The following TCERG1 variants were observed in gnomAD, a reference collection of about 807,000 sequenced individuals.
The protein encoded by TCERG1 is TATA box binding protein (TBP)-associated factor, RNA polymerase II, S, 150kD.
In TCERG1, 37 loss-of-function variants were observed where a neutral mutation model predicts 144.7. The observed-to-expected ratio is 0.26, with a 90% CI of 0.20 to 0.34. The LOEUF is 0.34. Among genes scored for constraint, TCERG1 ranks in the 10% least tolerant of loss-of-function variants. TCERG1 has a pLI of 1.00. For missense variants in TCERG1, 1,027 were observed against 1,380.7 expected (o/e 0.74, Z 4.06); for synonymous variants, 492 against 458.2 (o/e 1.07, Z -0.94).
intron 1 of TCERG1, among the ~76,000 whole-genome samples, chr5:146,454,569 GTTTT>G (rs55714513): frequency 1.4e-5 from 2 of 146,962 alleles, no homozygotes; most frequent in Non-Finnish European, 3.0e-5. Context: ...ATTGATGTAA[GTTTT>G]TTTTTTTGTT....
At chr5:146,479,810 T>C (rs894955103) in intron 10 of TCERG1, 45 bp from the exon 11 acceptor site, 2 of 1,602,856 alleles carry the variant, frequency 1.2e-6, no homozygotes, top group Non-Finnish European at 1.7e-6. Flanking sequence ...GTTTGTGAAA[T>C]ATATGCAAAT....
chr5:146,465,460 C>T (rs1035595100), intron 5 of TCERG1, among the ~76,000 whole-genome samples: 20 of 152,116 alleles, frequency 1.3e-4, no homozygotes, highest in Admixed American at 1.1e-3. Context: ...ACAATAAAAT[C>T]CCTCTGGCTC....
Position 146,507,165 on chromosome 5 carries a change from A to G in TCERG1, c.2919A>G (p.Lys973=). The part of the protein sequence containing the change: ...FNEHIEALTK[K]KREHFRQLLD... The stretch of plus-strand genomic sequence containing the variant: ...AACACATTGAAGCACTTACCAAAAA[A>G]AAGAGAGAGCACTTTAGGCAACTTC... The change falls in exon 20 of 23, where the codon AAA becomes AAG. Residue 973 remains lysine, a synonymous_variant. Transcript: ENST00000679501. This position sits in a 1 kb window ranked among gnomAD's most constrained non-coding sequence, Gnocchi z 4.6. 1 of 1,608,364 alleles carries G rather than the reference A, an allele frequency of 6.2e-7. No individual in the cohort carries two copies. The highest frequency in any genetic ancestry group is 8.5e-7 in the Non-Finnish European group (1 of 1,178,562).
At chr5:146,469,458 A>G (rs905654554) in intron 6 of TCERG1, 86 bp from the exon 7 acceptor site, 3 of 1,108,154 alleles carry the variant, frequency 2.7e-6, no homozygotes, top group Non-Finnish European at 3.8e-6. Flanking sequence ...TTAATATTTA[A>G]TAGAAAGATT....
chr5:146,478,108 TAG>T (rs936447872), intron 9 of TCERG1, among the ~76,000 whole-genome samples: 3 of 152,238 alleles, frequency 2.0e-5, no homozygotes, highest in Admixed American at 1.3e-4. Context: ...AGAACTATAG[TAG>T]CTAGGATGCT....
In TCERG1 at chr5:146,459,228, T is replaced by A; in HGVS notation, c.783T>A (p.Pro261=). 1 of 1,614,256 alleles carries A rather than the reference T, an allele frequency of 6.2e-7. No individual in the cohort carries two copies. Among genetic ancestry groups the A allele is most frequent in the Non-Finnish European group, 8.5e-7 (1 of 1,180,036 alleles). ...VQAQAVGAST[P]TTSSPAPAVS... The stretch of plus-strand genomic sequence containing the variant: ...CACAAGCAGTTGGAGCTTCCACCCC[T>A]ACGACCAGTAGCCCAGCACCTGCAG... Residue 261 remains proline (P), a synonymous_variant, in exon 4 of 23, where the codon CCT becomes CCA. Transcript: ENST00000679501.
chr5:146,476,214 A>G (rs1764826305), intron 9 of TCERG1, among the ~76,000 whole-genome samples: 2 of 152,204 alleles, frequency 1.3e-5, no homozygotes, highest in Non-Finnish European at 1.5e-5. Flanking sequence ...GCTGGAAGAT[A>G]TACACATTCA....
chr5:146,498,118 A>G (rs971861286), intron 16 of TCERG1, among the ~76,000 whole-genome samples: 2 of 152,104 alleles, frequency 1.3e-5, no homozygotes, highest in African/African-American at 4.8e-5. Context: ...CTACTCCTTG[A>G]AATCGGTTGC....
At chr5:146,482,496 T>TA in intron 13 of TCERG1, 96 bp from the exon 14 acceptor site, 1 of 1,269,008 alleles carries the variant, frequency 7.9e-7, no homozygotes, top group Non-Finnish European at 1.1e-6. Context: ...TGCTGCTCAG[T>TA]AGTGAGTCTT....
intron 17 of TCERG1, 65 bp downstream of exon 17, chr5:146,498,751 T>A: frequency 6.6e-7 from 1 of 1,514,904 alleles, no homozygotes; most frequent in Non-Finnish European, 8.8e-7. Flanking sequence ...TCTATGCTGG[T>A]GTTATGTTTC....
chr5:146,494,279 A>G (rs1322554482), intron 16 of TCERG1, among the ~76,000 whole-genome samples: 1 of 152,138 alleles, frequency 6.6e-6, no homozygotes, highest in African/African-American at 2.4e-5. Flanking sequence ...TGGAGGAAAA[A>G]GGCTTTACTC....
chr5:146,464,453 T>G (rs1168284657), intron 5 of TCERG1, among the ~76,000 whole-genome samples: 1 of 152,252 alleles, frequency 6.6e-6, no homozygotes, highest in Non-Finnish European at 1.5e-5. Context: ...ATGTGCATCA[T>G]TTAAAAGTTT....
At chr5:146,502,228 G>A (rs10079337) in intron 17 of TCERG1, among the ~76,000 whole-genome samples, 21,390 of 152,048 alleles carry the variant, frequency 0.14, 2,495 homozygotes, top group East Asian at 0.71. Flanking sequence ...AAGTTGTAAG[G>A]GGAAATGATA....
At chr5:146,496,666 A>T (rs1000079418) in intron 16 of TCERG1, among the ~76,000 whole-genome samples, 9 of 151,984 alleles carry the variant, frequency 5.9e-5, no homozygotes, top group Admixed American at 5.9e-4. Flanking sequence ...TCAGTGTAAT[A>T]ATAACAGTTT....
chr5:146,468,703 ATG>A (rs1297520103), intron 6 of TCERG1, among the ~76,000 whole-genome samples: 2 of 152,096 alleles, frequency 1.3e-5, no homozygotes, highest in African/African-American at 4.8e-5. Flanking sequence ...TTTATTTTTG[ATG>A]TGTGTTTTTA....
At chr5:146,451,151 G>GTAGGCT (rs992587356) in intron 1 of TCERG1, among the ~76,000 whole-genome samples, 1 of 152,134 alleles carries the variant, frequency 6.6e-6, no homozygotes, top group African/African-American at 2.4e-5. Flanking sequence ...AAATCTAAGA[G>GTAGGCT]TAGGGTACAT....
At chr5:146,459,688 C>T (rs891406034) in intron 4 of TCERG1, among the ~76,000 whole-genome samples, 15 of 152,058 alleles carry the variant, frequency 9.9e-5, no homozygotes, top group Non-Finnish European at 1.9e-4. Context: ...AAGAATAACA[C>T]GTGTTAAACA....
At chr5:146,498,765 C>T (rs1767164268) in intron 17 of TCERG1, 79 bp downstream of exon 17, 1 of 1,431,582 alleles carries the variant, frequency 7.0e-7, no homozygotes, top group Non-Finnish European at 9.3e-7. Context: ...ATGTTTCTAA[C>T]CTTATTCATT....
rs2150214881 is a variant in TCERG1, at chr5:146,455,171, C to T, written c.175C>T (p.Pro59Ser). 1.9e-6 allele frequency: 3 copies of T among 1,614,204 alleles called. No individual in the cohort carries two copies. The highest frequency in any genetic ancestry group is 2.5e-6 in the Non-Finnish European group (3 of 1,180,036). ...PPPPFGMMRG[P>S]PPPPRPPFGR... is the part of the protein sequence containing the mutation. Reference sequence around the variant, plus strand: ...TCCACCTTTTGGTATGATGCGAGGCCCTCCTCCACCACCACGGCCGCCCTT... The same window carrying T: ...TCCACCTTTTGGTATGATGCGAGGCTCTCCTCCACCACCACGGCCGCCCTT... Residue 59 changes from proline (P) to serine (S), a missense_variant, in exon 2 of 23, where the codon CCT (proline) becomes TCT (serine). By Grantham distance (74) the Pro-to-Ser change is moderately conservative (BLOSUM62 -1). Transcript: ENST00000679501.
Sources: allele counts gnomAD v4.1 joint callset (sites outside exome capture counted in the v4.1 genomes callset), GRCh38; gene constraint gnomAD v4.1.1; non-coding constraint Gnocchi (gnomAD v3.1); transcripts MANE v1.5; gene names NCBI Gene and HGNC (gene_info 2026-07-23, HGNC 2026-07-21).